Variants in NUDT19 observed in about 807,000 individuals in gnomAD.
The protein encoded by NUDT19 is acyl-coenzyme A diphosphatase NUDT19.
NUDT19 carries 31 observed loss-of-function variants against 22.2 expected under a neutral mutation model. That is an observed-to-expected ratio of 1.40 (90% CI 1.05 to 1.89). The LOEUF is 1.89. Ranked by LOEUF, NUDT19 falls within the 40% of genes most tolerant of loss-of-function variation. The pLI, the probability that NUDT19 is intolerant of heterozygous loss-of-function variation, is 0.00. For synonymous variants in NUDT19, 325 were observed against 230.8 expected (o/e 1.41, Z -3.70); for missense variants, 752 against 514.2 (o/e 1.46, Z -4.47).
chr19:32,710,256 C>T (rs548716712), intron 2 of NUDT19, among the ~76,000 whole-genome samples: 144 of 151,264 alleles, frequency 9.5e-4, no homozygotes, highest in Non-Finnish European at 1.5e-3. Context: ...TCAGGTGATC[C>T]GCCCGCCTCA....
chr19:32,700,091 G>A (rs1408114627), intron 1 of NUDT19, among the ~76,000 whole-genome samples: 2 of 152,246 alleles, frequency 1.3e-5, no homozygotes, highest in African/African-American at 4.8e-5. Flanking sequence ...AAGATTTATT[G>A]CGAAGAGCAA....
Position 32,691,977 on chromosome 19 carries a change from G to A in NUDT19, c.17G>A (p.Arg6Gln). The stretch of plus-strand genomic sequence containing the variant: ...CTGCGCGCCATGAGCAGCTCCCTGC[G>A]GCCGGGCCCCAGCCGCTGGCGGCGG... MSSSL[R>Q]PGPSRWRRAA... The change falls in exon 1 of 3, where the codon CGG becomes CAG. Residue 6 changes from arginine (R) to glutamine (Q), a missense_variant. Coordinates refer to ENST00000397061, the MANE Select transcript of NUDT19 (RefSeq NM_001105570.2). 4 of 1,232,212 alleles carry A rather than the reference G, an allele frequency of 3.2e-6. No individual in the cohort carries two copies. Among genetic ancestry groups the A allele is most frequent in the Non-Finnish European group, 4.0e-6 (4 of 989,760 alleles). The allele number at this position is 1,232,212 out of a possible 1,614,324, so 76.3% of individuals were successfully genotyped here. A position where few individuals can be genotyped will look rare whatever the true frequency, so the allele number is the denominator to read the frequency against.
Position 32,712,006 on chromosome 19 carries a change from A to G in NUDT19, c.*49A>G. The G allele has an allele frequency of 8.5e-7, 1 of 1,169,724 alleles. No homozygotes were observed. Among genetic ancestry groups the G allele is most frequent in the Non-Finnish European group, 1.3e-6 (1 of 779,540 alleles). 72.5% of individuals were successfully genotyped at this position (1,169,724 alleles called of 1,614,324 possible). ...TGGCCTACTTGAAGTCCTCATGAAT[A>G]ATGAGGGTTGACTTTCATTTGCTTG... On this transcript the variant is annotated 3_prime_UTR_variant, in exon 3 of 3. Coordinates refer to ENST00000397061, the MANE Select transcript of NUDT19 (RefSeq NM_001105570.2).
At chr19:32,706,083 A>G (rs1827700) in intron 1 of NUDT19, among the ~76,000 whole-genome samples, 54,033 of 151,966 alleles carry the variant, frequency 0.36, 9,766 homozygotes, top group African/African-American at 0.42. Context: ...ACAATGGTGA[A>G]TAAAGTAAAA....
intron 1 of NUDT19, among the ~76,000 whole-genome samples, chr19:32,701,910 G>A (rs1277064228): frequency 6.6e-6 from 1 of 152,120 alleles, no homozygotes; most frequent in Non-Finnish European, 1.5e-5. Context: ...CCAACACTTT[G>A]GGAGGCCAAG....
chr19:32,693,276 C>T (rs910224644), intron 1 of NUDT19, among the ~76,000 whole-genome samples: 7 of 152,162 alleles, frequency 4.6e-5, no homozygotes, highest in Admixed American at 4.6e-4. Context: ...TTCGTGGTCT[C>T]GCTGACTTCA....
intron 1 of NUDT19, among the ~76,000 whole-genome samples, chr19:32,695,286 TCTC>T (rs1343807261): frequency 6.6e-6 from 1 of 152,066 alleles, no homozygotes; most frequent in African/African-American, 2.4e-5. Flanking sequence ...TTCAAGCAAT[TCTC>T]CTGCCTCAGC....
At chr19:32,701,066 T>C (rs1423457360) in intron 1 of NUDT19, among the ~76,000 whole-genome samples, 7 of 151,822 alleles carry the variant, frequency 4.6e-5, no homozygotes. Flanking sequence ...TATTGAGACT[T>C]GTTTTATGGC....
intron 2 of NUDT19, 35 bp downstream of exon 2, chr19:32,709,427 T>C (rs780253197): frequency 3.8e-6 from 6 of 1,566,418 alleles, no homozygotes; most frequent in Admixed American, 3.3e-5. Context: ...TTTGTTAGTA[T>C]TCACATTCAG....
At chr19:32,701,494 G>A (rs1220204986) in intron 1 of NUDT19, among the ~76,000 whole-genome samples, 1 of 152,086 alleles carries the variant, frequency 6.6e-6, no homozygotes, top group Non-Finnish European at 1.5e-5. Flanking sequence ...CACTGTGCCT[G>A]GCCAGTCTTG....
Position 32,692,639 on chromosome 19 carries a change from G to C in NUDT19, c.679G>C (p.Val227Leu), listed in dbSNP as rs1379953694. Residue 227 changes from valine (V) to leucine (L), a missense_variant, in exon 1 of 3, where the codon GTC becomes CTC. Coordinates refer to ENST00000397061, the MANE Select transcript of NUDT19 (RefSeq NM_001105570.2). ...FLCCLREPPP[V>L]YPDLAEVVGY... Reference sequence around the variant, plus strand: ...GTGCTGCCTGCGCGAGCCGCCGCCCGTCTACCCCGACTTGGCGGAGGTGGT... The same window carrying C: ...GTGCTGCCTGCGCGAGCCGCCGCCCCTCTACCCCGACTTGGCGGAGGTGGT... The C allele has an allele frequency of 3.9e-6, 6 of 1,527,700 alleles. No individual in the cohort carries two copies. Among genetic ancestry groups the C allele is most frequent in the East Asian group, 4.8e-5 (2 of 42,054 alleles). The allele number at this position is 1,527,700 out of a possible 1,614,324, so 94.6% of individuals were successfully genotyped here.
chr19:32,711,202 G>A (rs1269512414), intron 2 of NUDT19, among the ~76,000 whole-genome samples: 1 of 151,890 alleles, frequency 6.6e-6, no homozygotes, highest in African/African-American at 2.4e-5. Flanking sequence ...AGTAGTTCAC[G>A]CCTGTAATCC....
At chr19:32,706,359 A>G (rs1286729729) in intron 1 of NUDT19, among the ~76,000 whole-genome samples, 1 of 152,186 alleles carries the variant, frequency 6.6e-6, no homozygotes, top group African/African-American at 2.4e-5. Context: ...AACTTTTACT[A>G]CACGAATTGT....
Position 32,709,362 on chromosome 19 carries a change from A to C in NUDT19, c.892A>C (p.Thr298Pro). Residue 298 changes from threonine (T) to proline (P), a missense_variant, in exon 2 of 3, where the codon ACT becomes CCT. Coordinates refer to ENST00000397061, the MANE Select transcript of NUDT19 (RefSeq NM_001105570.2). The part of the protein sequence containing the change: ...LERWLPIILL[T>P]ADGMVHLLPG... ...AAGGTGGCTGCCGATCATCTTGTTA[A>C]CTGCTGATGGGATGGTCCATCTTTT... 1.2e-6 allele frequency: 2 copies of C among 1,614,120 alleles called. No homozygotes were observed. Among genetic ancestry groups the C allele is most frequent in the Non-Finnish European group, 1.7e-6 (2 of 1,180,002 alleles).
At position 32,701,231 on chromosome 19, in the gene NUDT19, A is replaced by G. The variant is rs549785568; in HGVS notation, c.715-7954A>G. Among the ~76,000 whole-genome samples the G allele has an allele frequency of 1.1e-3, 143 of 125,046 alleles. No individual in the cohort carries two copies. The South Asian group carries it at 0.013, about 11-fold the overall frequency. The allele number at this position is 125,046 out of a possible 152,430, so 82.0% of individuals were successfully genotyped here. ...TTTTTTTTTTTTTTTTTTGAAACAGAGTCTTGCTCTGTCACCCAGGCTGGA... is the reference window on the plus strand; with the variant it reads ...TTTTTTTTTTTTTTTTTTGAAACAGGGTCTTGCTCTGTCACCCAGGCTGGA... On this transcript the variant is annotated intron_variant, in intron 1 of 2. Transcript: ENST00000397061.
At chr19:32,693,474 T>C (rs1437058203) in intron 1 of NUDT19, among the ~76,000 whole-genome samples, 1 of 152,214 alleles carries the variant, frequency 6.6e-6, no homozygotes, top group African/African-American at 2.4e-5. Context: ...GCAAGATTTA[T>C]TGCAAAGAGC....
At position 32,711,832 on chromosome 19, in the gene NUDT19, G is replaced by A. The variant is rs755304838; in HGVS notation, c.1003G>A (p.Glu335Lys). ...AAAAAAGACTGAGGAAATCATGAAG[G>A]AAGGCAAGCAGTTTCACCGGATAGT... ...TEKKTEEIMKEGKQFHRIVTY... is the reference protein window; with the variant it reads ...TEKKTEEIMKKGKQFHRIVTY... The change falls in exon 3 of 3, where the codon GAA becomes AAA. Residue 335 changes from glutamate to lysine, a missense_variant. Physicochemically the swap from Glu to Lys is moderately conservative, Grantham distance 56. Transcript: ENST00000397061. 1.2e-6 allele frequency: 2 copies of A among 1,613,798 alleles called. No individual in the cohort carries two copies. The highest frequency in any genetic ancestry group is 8.5e-7 in the Non-Finnish European group (1 of 1,179,770).
intron 1 of NUDT19, among the ~76,000 whole-genome samples, chr19:32,697,138 C>G (rs1034507378): frequency 8.5e-5 from 13 of 152,148 alleles, no homozygotes; most frequent in African/African-American, 3.1e-4. Context: ...TCTCTGTCCC[C>G]TCTGAACCAC....
At chr19:32,709,454 G>A in intron 2 of NUDT19, 62 bp downstream of exon 2, 1 of 1,341,594 alleles carries the variant, frequency 7.5e-7, no homozygotes, top group Non-Finnish European at 1.1e-6. Flanking sequence ...GGGCTGCATG[G>A]CTGTATTGCC....
Sources: gnomAD v4.1 joint callset for allele counts (sites outside exome capture counted in the v4.1 genomes callset) on GRCh38, gnomAD v4.1.1 for gene constraint, MANE v1.5 for transcripts, NCBI Gene and HGNC (gene_info 2026-07-23, HGNC 2026-07-21) for gene names.